Variants in WASHC2C observed in about 807,000 individuals in gnomAD.
The protein encoded by WASHC2C is Vaccinia Penetration Factor.
In WASHC2C, 73 loss-of-function variants were observed where a neutral mutation model predicts 142.2. The observed-to-expected ratio is 0.51, with a 90% CI of 0.43 to 0.62. The LOEUF (loss-of-function observed/expected upper bound fraction) is 0.62. Ranked by LOEUF, WASHC2C falls within the 20% of genes least tolerant of loss-of-function variation. The pLI, the probability that WASHC2C is intolerant of heterozygous loss-of-function variation, is 0.00. For missense variants in WASHC2C, 969 were observed against 1,531.7 expected, an observed-to-expected ratio of 0.63 and a Z score of 6.13; for synonymous variants, 337 against 565.5, an observed-to-expected ratio of 0.60 and a Z score of 5.73.
At chr10:45,744,080 C>T (rs558031419) in intron 6 of WASHC2C, among the ~76,000 whole-genome samples, 7 of 150,524 alleles carry the variant, frequency 4.7e-5, no homozygotes, top group Admixed American at 6.6e-5. Flanking sequence ...TTTTTTGAGC[C>T]GGAGTTTCTC....
At chr10:45,787,734 C>A (rs1323236004) in intron 28 of WASHC2C, among the ~76,000 whole-genome samples, 1 of 152,114 alleles carries the variant, frequency 6.6e-6, no homozygotes, top group Non-Finnish European at 1.5e-5. Context: ...CCTGAACACA[C>A]ATGGTCTGTT....
chr10:45,746,004 AGT>A (rs1328328026), intron 7 of WASHC2C, among the ~76,000 whole-genome samples: 1 of 115,588 alleles, frequency 8.7e-6, no homozygotes, highest in African/African-American at 3.4e-5. Flanking sequence ...CCCACCTATG[AGT>A]GAGAATATGC....
In WASHC2C at chr10:45,749,836, A is replaced by AAAAAAATATAT. The variant is rs1227809519; in HGVS notation, c.733-259_733-258insAAAAATATATA. On this transcript the variant is annotated intron_variant, in intron 8 of 30. Coordinates refer to ENST00000623400, the MANE Select transcript of WASHC2C (RefSeq NM_001330074.2). ...GCAAGACTCCATCTCAAAAAAAAAA[A>AAAAAAATATAT]ATATATATATATATATATATTTATA... Among the ~76,000 whole-genome samples the AAAAAAATATAT allele has an allele frequency of 1.7e-4, 17 of 101,762 alleles. No individual in the cohort carries two copies. In the East Asian group the frequency reaches 2.8e-3, roughly 17 times the overall value. The allele number at this position is 101,762 out of a possible 152,430, so 66.8% of individuals were successfully genotyped here.
In WASHC2C at chr10:45,785,569, A is replaced by C. The variant is rs562849536; in HGVS notation, c.2749A>C (p.Lys917Gln). The change falls in exon 26 of 31, where the codon AAA becomes CAA. Residue 917 changes from lysine (K) to glutamine (Q), a missense_variant. Coordinates refer to ENST00000623400, the MANE Select transcript of WASHC2C (RefSeq NM_001330074.2). ...CTCTGTTAACTCTTTCAAAAACCAG[A>C]AACATCCTGAATCCATTCAAGGTAG... Reference protein sequence around the residue: ...DHSVNSFKNQKHPESIQGSKE... With the variant: ...DHSVNSFKNQQHPESIQGSKE... 60 of 1,613,986 alleles carry C rather than the reference A, an allele frequency of 3.7e-5. No homozygotes were observed. In the East Asian group the frequency reaches 1.3e-3, roughly 35 times the overall value.
intron 20 of WASHC2C, among the ~76,000 whole-genome samples, chr10:45,770,153 A>G (rs1372985913): frequency 7.3e-5 from 11 of 151,118 alleles, no homozygotes; most frequent in Non-Finnish European, 1.3e-4. Flanking sequence ...AGGCAGAAGA[A>G]TGGCTTGAAC....
At chr10:45,737,944 G>C in intron 3 of WASHC2C, 39 bp from the exon 4 acceptor site, 1 of 1,611,644 alleles carries the variant, frequency 6.2e-7, no homozygotes, top group Non-Finnish European at 8.5e-7. Flanking sequence ...TTCCAATGAC[G>C]TGTTGACCTT....
At chr10:45,773,745 A>G (rs2056820137) in intron 21 of WASHC2C, among the ~76,000 whole-genome samples, 4 of 152,334 alleles carry the variant, frequency 2.6e-5, no homozygotes, top group South Asian at 4.1e-4. Flanking sequence ...CACATGTGCT[A>G]CAAAATGCAT....
intron 4 of WASHC2C, among the ~76,000 whole-genome samples, chr10:45,739,239 G>A (rs1554866186): frequency 6.7e-6 from 1 of 149,256 alleles, no homozygotes; most frequent in Non-Finnish European, 1.5e-5. Flanking sequence ...AAAAAGTTCA[G>A]TTAGAAAGAC....
intron 18 of WASHC2C, among the ~76,000 whole-genome samples, chr10:45,764,487 T>G (rs2055545362): frequency 6.6e-6 from 1 of 150,448 alleles, no homozygotes; most frequent in Admixed American, 6.6e-5. Context: ...AAGAATGTTT[T>G]GGATCAAGTG....
At position 45,792,385 on chromosome 10, in the gene WASHC2C, C is replaced by T; in HGVS notation, c.4011C>T (p.Ala1337=). The change falls in exon 31 of 31, where the codon GCC becomes GCT. Residue 1337 remains alanine (A), a synonymous_variant. Transcript: ENST00000623400. ...VSNIFDDPLN[A]FGGQ ...ACATCTTTGATGATCCCCTGAATGC[C>T]TTTGGAGGCCAGTAGAGCACACAGG... 6.4e-7 allele frequency: 1 copy of T among 1,564,932 alleles called. No individual in the cohort carries two copies.
At chr10:45,749,836 A>AAAAAAATATATATATATATATATATAT in intron 8 of WASHC2C, among the ~76,000 whole-genome samples, 1 of 101,770 alleles carries the variant, frequency 9.8e-6, no homozygotes, top group African/African-American at 4.4e-5. Flanking sequence ...AAAAAAAAAA[A>AAAAAAATATATATATATATATATATAT]ATATATATAT....
intron 5 of WASHC2C, among the ~76,000 whole-genome samples, chr10:45,742,877 CTTTTTTTTTTT>C (rs1227719013): frequency 1.0e-5 from 1 of 96,074 alleles, no homozygotes; most frequent in African/African-American, 4.7e-5. Context: ...CATCTTTTTT[CTTTTTTTTTTT>C]TTTTGAGATG....
chr10:45,748,112 T>G (rs1268349739), intron 8 of WASHC2C, among the ~76,000 whole-genome samples: 1 of 129,122 alleles, frequency 7.7e-6, no homozygotes, highest in East Asian at 2.2e-4. Flanking sequence ...CACAAAAATG[T>G]TTAACTATCA....
At chr10:45,791,196 C>T (rs1324599600) in intron 30 of WASHC2C, among the ~76,000 whole-genome samples, 1 of 152,212 alleles carries the variant, frequency 6.6e-6, no homozygotes, top group African/African-American at 2.4e-5. Flanking sequence ...TGGGAGACAG[C>T]TGGTGCTGCA....
chr10:45,747,622 G>T (rs1339415365), intron 8 of WASHC2C, among the ~76,000 whole-genome samples: 27 of 150,056 alleles, frequency 1.8e-4, no homozygotes, highest in Middle Eastern at 3.3e-3. Context: ...ACAGAGTCTC[G>T]CTCTGTTGCC....
intron 20 of WASHC2C, among the ~76,000 whole-genome samples, chr10:45,772,449 G>A (rs1394570007): frequency 2.6e-5 from 4 of 152,148 alleles, no homozygotes; most frequent in Admixed American, 6.5e-5. Context: ...AGGTGCAACG[G>A]CTCATGCCTG....
intron 19 of WASHC2C, among the ~76,000 whole-genome samples, chr10:45,766,898 A>G (rs2135268122): frequency 6.6e-6 from 1 of 152,276 alleles, no homozygotes; most frequent in East Asian, 1.9e-4. Context: ...GTGGATATAT[A>G]AGTCATAGAT....
intron 23 of WASHC2C, among the ~76,000 whole-genome samples, chr10:45,784,217 A>G (rs2057737747): frequency 9.4e-6 from 1 of 106,866 alleles, no homozygotes; most frequent in Non-Finnish European, 2.0e-5. Context: ...GATTATCTCT[A>G]AAGCTTGTGC....
chr10:45,787,421 A>G (rs1356024159), intron 28 of WASHC2C, among the ~76,000 whole-genome samples, 174 bp downstream of exon 28: 1 of 101,656 alleles, frequency 9.8e-6, no homozygotes, highest in Non-Finnish European at 2.0e-5. Context: ...CTCATCCTGC[A>G]CCTGCTTTTC....
Sources: allele counts gnomAD v4.1 joint callset (sites outside exome capture counted in the v4.1 genomes callset), GRCh38; gene constraint gnomAD v4.1.1; transcripts MANE v1.5; gene names NCBI Gene and HGNC (gene_info 2026-07-23, HGNC 2026-07-21).